Variants in TRO observed in about 807,000 individuals in gnomAD.
The protein encoded by TRO is trophinin, also known as MAGE superfamily protein.
Under a neutral mutation model 42.3 loss-of-function variants are expected in TRO, and 29 were observed. That is an observed-to-expected ratio of 0.68 (90% CI 0.51 to 0.93). The LOEUF (loss-of-function observed/expected upper bound fraction) is 0.93, where lower values mean the gene tolerates loss of function less well. Among genes scored for constraint, TRO ranks in the 40% least tolerant of loss-of-function variants. The probability of loss-of-function intolerance (pLI) is 0.00; values close to 1 mark genes in which losing one functional copy is unlikely to be tolerated. For missense variants in TRO, 963 were observed against 1,127.7 expected (o/e 0.85, Z 2.09); for synonymous variants, 384 against 425.2 (o/e 0.90, Z 1.19).
rs1385766232 is a variant in TRO, at chrX:54,930,192, C to T, written c.3468C>T (p.Ser1156=). ...GTTTTGGTGGAGCTCCCAGCACCAGCCTCTGCTTTGGCAGTGCATCTAATA... is the reference window on the plus strand; with the variant it reads ...GTTTTGGTGGAGCTCCCAGCACCAGTCTCTGCTTTGGCAGTGCATCTAATA... The part of the protein sequence containing the change: ...SLCFGGAPST[S]LCFGSASNTN... The change falls in exon 12 of 13, where the codon AGC becomes AGT. Residue 1156 remains serine (S), a synonymous_variant. Coordinates refer to ENST00000173898, the MANE Select transcript of TRO (RefSeq NM_001039705.3). The T allele has an allele frequency of 8.3e-7, 1 of 1,210,699 alleles. No individual in the cohort carries two copies. Among genetic ancestry groups the T allele is most frequent in the Non-Finnish European group, 1.1e-6 (1 of 895,300 alleles).
chrX:54,923,838 T>G (rs1932431783), intron 3 of TRO, 70 bp downstream of exon 3: 7 of 1,042,668 alleles, frequency 6.7e-6, no homozygotes. Flanking sequence ...AGTTTGTTCA[T>G]TTCTTCTATA....
In TRO at chrX:54,924,706, C is replaced by G. The variant is rs1932537951; in HGVS notation, c.1378C>G (p.Gln460Glu). 8.3e-7 allele frequency: 1 copy of G among 1,211,739 alleles called. No homozygotes were observed. Among genetic ancestry groups the G allele is most frequent in the Middle Eastern group, 2.3e-4 (1 of 4,354 alleles). ...KLVKYLLVKD[Q>E]TKIPIKRSDM... ...GGTGAAATACCTGTTGGTTAAGGAC[C>G]AGACAAAGATCCCCATCAAACGCTC... Residue 460 changes from glutamine (Q) to glutamate (E), a missense_variant, in exon 5 of 13, where the codon CAG (glutamine) becomes GAG (glutamate). Gln to Glu is a conservative substitution (Grantham distance 29). Coordinates refer to ENST00000173898, the MANE Select transcript of TRO (RefSeq NM_001039705.3).
In TRO at chrX:54,931,370, T is replaced by C. The variant is rs1204846378; in HGVS notation, c.*178T>C. On this transcript the variant is annotated 3_prime_UTR_variant, in exon 13 of 13. Coordinates refer to ENST00000173898, the MANE Select transcript of TRO (RefSeq NM_001039705.3). ...AATCTGTTTGCTGTTCCTGCTTTAT[T>C]GTTTGCTTTCTGTGTGCTGTCATAT... 8.4e-7 allele frequency: 1 copy of C among 1,192,792 alleles called. No individual in the cohort carries two copies. The highest frequency in any genetic ancestry group is 1.8e-5 in the South Asian group (1 of 55,687).
intron 1 of TRO, chrX:54,921,169 C>T (rs1225709905): frequency 2.7e-5 from 3 of 110,328 alleles, no homozygotes; most frequent in Non-Finnish European, 5.7e-5. Context: ...TCGAGAAATC[C>T]TTCAGACGGT....
Position 54,929,325 on chromosome X carries a change from C to T in TRO, c.2601C>T (p.Thr867=), listed in dbSNP as rs1385203099. The T allele has an allele frequency of 8.2e-7, 1 of 1,212,269 alleles. No individual in the cohort carries two copies. The highest frequency in any genetic ancestry group is 1.1e-6 in the Non-Finnish European group (1 of 895,582). Residue 867 remains threonine, a synonymous_variant, in exon 12 of 13, where the codon ACC becomes ACT. Coordinates refer to ENST00000173898, the MANE Select transcript of TRO (RefSeq NM_001039705.3). ...TTAGTGGTGTACTCAGCACTAGCAC[C>T]AGCTTTGGCAGTGCACCCACAACGA... ...AGFSGVLSTS[T]SFGSAPTTST...
chrX:54,930,512 T>C lies in TRO; in HGVS notation c.3788T>C (p.Leu1263Pro), dbSNP rs1218268396. The C allele has an allele frequency of 2.5e-6, 3 of 1,210,832 alleles. No homozygotes were observed. Among genetic ancestry groups the C allele is most frequent in the Non-Finnish European group, 3.4e-6 (3 of 895,051 alleles). ...PGTSTGFGGG[L>P]GTSAGFSGGL... ...ACCAGCACTGGTTTTGGTGGTGGAC[T>C]GGGCACCAGTGCTGGCTTCAGTGGC... Residue 1263 changes from leucine (L) to proline (P), a missense_variant, in exon 12 of 13, where the codon CTG (leucine) becomes CCG (proline). Leu to Pro is a moderately conservative substitution (Grantham distance 98, BLOSUM62 -3). Coordinates refer to ENST00000173898, the MANE Select transcript of TRO (RefSeq NM_001039705.3).
intron 12 of TRO, 22 bp downstream of exon 12, chrX:54,931,053 C>T (rs181788697): frequency 2.4e-4 from 285 of 1,167,988 alleles, no homozygotes; most frequent in African/African-American, 2.3e-3. Flanking sequence ...ATTTCCATAG[C>T]CAGGACCCAC....
chrX:54,926,946 C>T, intron 9 of TRO, 97 bp from the exon 10 acceptor site: 2 of 987,841 alleles, frequency 2.0e-6, no homozygotes, highest in Non-Finnish European at 2.8e-6. Flanking sequence ...TGAGACTGCC[C>T]CATGTGCTAG....
At chrX:54,926,031 G>T (rs1219710501) in intron 7 of TRO, among the ~76,000 whole-genome samples, 1 of 112,147 alleles carries the variant, frequency 8.9e-6, no homozygotes, top group East Asian at 2.8e-4. Flanking sequence ...TGGTGTGGCT[G>T]GATCAGTATG....
In TRO at chrX:54,929,785, A is replaced by G. The variant is rs368712098; in HGVS notation, c.3061A>G (p.Ser1021Gly). 29 of 1,205,564 alleles carry G rather than the reference A, an allele frequency of 2.4e-5. No homozygotes were observed. The highest frequency in any genetic ancestry group is 8.8e-5 in the Admixed American group (4 of 45,490). Residue 1021 changes from serine (S) to glycine (G), a missense_variant, in exon 12 of 13, where the codon AGT becomes GGT. Ser to Gly is a moderately conservative substitution (Grantham distance 56, BLOSUM62 0). This residue lies in a region of TRO where 641 missense variants were observed against 811.3 expected (regional missense o/e 0.79). Transcript: ENST00000173898. ...TCCTGGCACCAGTGTCAGCTTTGGC[A>G]GTGCACTCAACACCAATGCTGGTTA... ...GSPGTSVSFG[S>G]ALNTNAGYGG... is the part of the protein sequence containing the mutation.
At position 54,923,023 on chromosome X, in the gene TRO, T is replaced by A. The variant is rs775079474; in HGVS notation, c.491T>A (p.Ile164Lys). ...QSPTGHEGGT[I>K]QLKSPLQVLK... The stretch of plus-strand genomic sequence containing the variant: ...CCAACTGGCCATGAGGGTGGCACTA[T>A]ACAGCTGAAGTCACCCTTGCAGGTC... Residue 164 changes from isoleucine to lysine, a missense_variant, in exon 3 of 13, where the codon ATA becomes AAA. Transcript: ENST00000173898. The A allele has an allele frequency of 2.8e-5, 34 of 1,210,454 alleles. No homozygotes were observed. In the South Asian group the frequency reaches 5.8e-4, roughly 21 times the overall value.
At chrX:54,924,354 G>C in intron 3 of TRO, 97 bp from the exon 4 acceptor site, 1 of 818,686 alleles carries the variant, frequency 1.2e-6, no homozygotes, top group East Asian at 3.5e-5. Flanking sequence ...GAGGGAGGGG[G>C]TTAGAGGGAC....
chrX:54,924,328 C>T, intron 3 of TRO, 123 bp from the exon 4 acceptor site: 1 of 612,372 alleles, frequency 1.6e-6, no homozygotes. Flanking sequence ...GGATCAGGCT[C>T]CACTACAGCA....
In TRO at chrX:54,922,630, A is replaced by T; in HGVS notation, c.98A>T (p.Gln33Leu). Residue 33 changes from glutamine (Q) to leucine (L), a missense_variant, in exon 3 of 13, where the codon CAG becomes CTG. By Grantham distance (113) the Gln-to-Leu change is moderately radical. Coordinates refer to ENST00000173898, the MANE Select transcript of TRO (RefSeq NM_001039705.3). ...GGGCTTCCCTTCCCTCCAGATATAC[A>T]GACTGAGACCACAGAAGAGGACAGT... ...SLGLPFPPDIQTETTEEDSVL... is the reference protein window; with the variant it reads ...SLGLPFPPDILTETTEEDSVL... 8.3e-7 allele frequency: 1 copy of T among 1,211,304 alleles called. No homozygotes were observed. Among genetic ancestry groups the T allele is most frequent in the South Asian group, 1.8e-5 (1 of 56,888 alleles).
At position 54,931,288 on chromosome X, in the gene TRO, C is replaced by T; in HGVS notation, c.*96C>T. On this transcript the variant is annotated 3_prime_UTR_variant, in exon 13 of 13. Coordinates refer to ENST00000173898, the MANE Select transcript of TRO (RefSeq NM_001039705.3). Reference sequence around the variant, plus strand: ...CAAAGTACATCCTTGGAATCTTTGTCCACACAGCAGTCAAGGCAGTTATGG... The same window carrying T: ...CAAAGTACATCCTTGGAATCTTTGTTCACACAGCAGTCAAGGCAGTTATGG... 8.3e-7 allele frequency: 1 copy of T among 1,211,920 alleles called. No individual in the cohort carries two copies. The highest frequency in any genetic ancestry group is 1.1e-6 in the Non-Finnish European group (1 of 895,442).
At position 54,926,492 on chromosome X, in the gene TRO, G is replaced by T; in HGVS notation, c.1657+3G>T. On this transcript the variant is annotated splice_donor_region_variant and intron_variant, in intron 8 of 12. Transcript: ENST00000173898. Reference sequence around the variant, plus strand: ...GAATGGCAACAAGGCCAGTGAGGGTGAGTGGCTGGGCATGCAGCTGAATGG... The same window carrying T: ...GAATGGCAACAAGGCCAGTGAGGGTTAGTGGCTGGGCATGCAGCTGAATGG... 2 of 1,212,096 alleles carry T rather than the reference G, an allele frequency of 1.7e-6. No homozygotes were observed. Among genetic ancestry groups the T allele is most frequent in the Non-Finnish European group, 2.2e-6 (2 of 895,559 alleles).
In TRO at chrX:54,930,617, G is replaced by C; in HGVS notation, c.3893G>C (p.Ser1298Thr). 8.3e-7 allele frequency: 1 copy of C among 1,210,832 alleles called. No individual in the cohort carries two copies. Among genetic ancestry groups the C allele is most frequent in the Non-Finnish European group, 1.1e-6 (1 of 894,804 alleles). The change falls in exon 12 of 13, where the codon AGT (serine) becomes ACT (threonine). Residue 1298 changes from serine to threonine, a missense_variant. Physicochemically the swap from Ser to Thr is moderately conservative, Grantham distance 58. This residue lies in a region of TRO where 641 missense variants were observed against 811.3 expected (regional missense o/e 0.79). Coordinates refer to ENST00000173898, the MANE Select transcript of TRO (RefSeq NM_001039705.3). ...GGTGGTGGACTGGGCACCAATGCTAGTTTCGGCAGCACACTTGGCACCAGT... is the reference window on the plus strand; with the variant it reads ...GGTGGTGGACTGGGCACCAATGCTACTTTCGGCAGCACACTTGGCACCAGT... Reference protein sequence around the residue: ...GFGGGLGTNASFGSTLGTSAG... With the variant: ...GFGGGLGTNATFGSTLGTSAG...
At position 54,930,898 on chromosome X, in the gene TRO, A is replaced by C. The variant is rs202045355; in HGVS notation, c.4174A>C (p.Thr1392Pro). ...CAGTGGCTTCAGCGGTGGACCGAGC[A>C]CAGGAGCTGGCTTCGGCGGTGGACC... ...STSGFSGGPS[T>P]GAGFGGGPNT... The change falls in exon 12 of 13, where the codon ACA becomes CCA. Residue 1392 changes from threonine (T) to proline (P), a missense_variant. By Grantham distance (38) the Thr-to-Pro change is conservative (BLOSUM62 -1). Coordinates refer to ENST00000173898, the MANE Select transcript of TRO (RefSeq NM_001039705.3). 3.5e-5 allele frequency: 42 copies of C among 1,209,208 alleles called. No individual in the cohort carries two copies. Among genetic ancestry groups the C allele is most frequent in the Non-Finnish European group, 4.6e-5 (41 of 894,897 alleles).
rs1301653987 is a variant in TRO at position 54,930,042 on chromosome X, T to C, written c.3318T>C (p.Ser1106=). ...GCTTTGGCGGTGCATTTAGCACCAGTGCTGGCTTCGGTGGGGCACTTAGTA... is the reference window on the plus strand; with the variant it reads ...GCTTTGGCGGTGCATTTAGCACCAGCGCTGGCTTCGGTGGGGCACTTAGTA... The part of the protein sequence containing the change: ...NPGFGGAFST[S]AGFGGALSTA... Residue 1106 remains serine (S), a synonymous_variant, in exon 12 of 13, where the codon AGT becomes AGC. Transcript: ENST00000173898. The C allele has an allele frequency of 8.3e-7, 1 of 1,211,855 alleles. No individual in the cohort carries two copies. Among genetic ancestry groups the C allele is most frequent in the Admixed American group, 2.2e-5 (1 of 46,120 alleles).
Sources: allele counts gnomAD v4.1 joint callset (sites outside exome capture counted in the v4.1 genomes callset), GRCh38; gene constraint gnomAD v4.1.1; regional missense constraint gnomAD v4.1.1; transcripts MANE v1.5; gene names NCBI Gene and HGNC (gene_info 2026-07-23, HGNC 2026-07-21).